AOAH: variants seen among roughly 807,000 people sequenced by gnomAD.
The protein encoded by AOAH is acyloxyacyl hydrolase.
In AOAH, 64 loss-of-function variants were observed where a neutral mutation model predicts 92.2. The ratio of observed to expected loss-of-function variants is 0.69; its 90% confidence interval spans 0.57 to 0.86. AOAH has a LOEUF of 0.86. Ranked by LOEUF, AOAH falls within the 40% of genes least tolerant of loss-of-function variation. The pLI is 0.00. For missense variants in AOAH, 656 were observed against 694.6 expected (o/e 0.94, Z 0.62); for synonymous variants, 263 against 254.5 (o/e 1.03, Z -0.32).
At chr7:36,689,961 A>T (rs1484302743) in intron 1 of AOAH, 1 of 306,894 alleles carries the variant, frequency 3.3e-6, no homozygotes, top group East Asian at 9.7e-5. Flanking sequence ...GACCCCAGTG[A>T]TCATAAACCT....
intron 1 of AOAH, among the ~76,000 whole-genome samples, chr7:36,710,347 C>A (rs1276939651): frequency 6.6e-6 from 1 of 152,178 alleles, no homozygotes; most frequent in African/African-American, 2.4e-5. Context: ...ATGCTACTCA[C>A]TCCCTAGGAA....
At chr7:36,620,980 C>A (rs999402535) in intron 8 of AOAH, 151 bp from the exon 9 acceptor site, 1 of 715,806 alleles carries the variant, frequency 1.4e-6, no homozygotes, top group Admixed American at 2.6e-5. Context: ...CATCACATCC[C>A]ATTGTGTGTT....
intron 1 of AOAH, among the ~76,000 whole-genome samples, chr7:36,700,085 T>C (rs542760214): frequency 5.4e-4 from 82 of 152,212 alleles, no homozygotes; most frequent in Admixed American, 7.9e-4. Flanking sequence ...CCGGTGTCTT[T>C]GTCAAAAAAT....
chr7:36,530,623 A>T, intron 18 of AOAH, 109 bp from the exon 19 acceptor site: 2 of 702,512 alleles, frequency 2.8e-6, no homozygotes, highest in Non-Finnish European at 4.9e-6. Flanking sequence ...CTCTACTTTC[A>T]TTTCTCCAAG....
intron 20 of AOAH, among the ~76,000 whole-genome samples, chr7:36,517,282 T>C (rs1466066453): frequency 3.4e-5 from 5 of 148,894 alleles, no homozygotes; most frequent in Non-Finnish European, 4.4e-5. Flanking sequence ...CTTTCTTTCT[T>C]TCTTTCTTTC....
intron 13 of AOAH, among the ~76,000 whole-genome samples, chr7:36,567,001 G>A (rs1199562361): frequency 1.3e-5 from 2 of 152,004 alleles, no homozygotes; most frequent in African/African-American, 2.4e-5. Context: ...TAGTACAGAC[G>A]GGGCTTCACC....
chr7:36,717,499 G>A (rs180741440), intron 1 of AOAH, among the ~76,000 whole-genome samples: 4 of 152,040 alleles, frequency 2.6e-5, no homozygotes, highest in Admixed American at 2.0e-4. Flanking sequence ...TATGAACTCA[G>A]AGCTTTTGGG....
At chr7:36,634,179 TAGG>T (rs1400555893) in intron 5 of AOAH, among the ~76,000 whole-genome samples, 1 of 152,126 alleles carries the variant, frequency 6.6e-6, no homozygotes, top group African/African-American at 2.4e-5. Context: ...TCTACTAAGG[TAGG>T]AGACCACTCC....
intron 1 of AOAH, among the ~76,000 whole-genome samples, chr7:36,717,581 C>T (rs1003732099): frequency 4.0e-5 from 6 of 150,374 alleles, no homozygotes; most frequent in South Asian, 2.1e-4. Context: ...GAGGCAGTGG[C>T]GAGGCACCGG....
chr7:36,607,384 G>A (rs2115798635), intron 11 of AOAH, among the ~76,000 whole-genome samples: 1 of 152,286 alleles, frequency 6.6e-6, no homozygotes, highest in East Asian at 1.9e-4. Context: ...CTTCCTGAAG[G>A]GTCTTGATTT....
At chr7:36,654,698 G>A (rs1261606155) in intron 4 of AOAH, among the ~76,000 whole-genome samples, 1 of 152,194 alleles carries the variant, frequency 6.6e-6, no homozygotes, top group Non-Finnish European at 1.5e-5. Context: ...TGAAATGTGT[G>A]AAAAGCCAGA....
chr7:36,545,226 G>T (rs1027039643), intron 15 of AOAH, among the ~76,000 whole-genome samples: 1 of 151,994 alleles, frequency 6.6e-6, no homozygotes, highest in African/African-American at 2.4e-5. Context: ...AATGGGATGA[G>T]GACTTCCATA....
chr7:36,601,522 C>T (rs1790598623), intron 11 of AOAH, among the ~76,000 whole-genome samples: 1 of 152,208 alleles, frequency 6.6e-6, no homozygotes, highest in Non-Finnish European at 1.5e-5. Flanking sequence ...ATCTGGGTAA[C>T]CTGGAAGTCT....
At chr7:36,588,739 A>G (rs1296537170) in intron 12 of AOAH, among the ~76,000 whole-genome samples, 1 of 152,190 alleles carries the variant, frequency 6.6e-6, no homozygotes, top group African/African-American at 2.4e-5. Context: ...GAGAGAATAG[A>G]TAACCTTTAA....
At chr7:36,592,259 G>A (rs893943967) in intron 12 of AOAH, among the ~76,000 whole-genome samples, 1 of 152,136 alleles carries the variant, frequency 6.6e-6, no homozygotes, top group African/African-American at 2.4e-5. Context: ...GGATGACCAA[G>A]GTTCTCTCTT....
intron 1 of AOAH, among the ~76,000 whole-genome samples, chr7:36,702,596 G>A (rs953715833): frequency 2.8e-4 from 42 of 152,148 alleles, no homozygotes; most frequent in African/African-American, 9.4e-4. Context: ...TACCATACTG[G>A]AGTCTTTTAA....
intron 6 of AOAH, among the ~76,000 whole-genome samples, chr7:36,627,700 C>T (rs1205126511): frequency 6.6e-6 from 1 of 152,092 alleles, no homozygotes; most frequent in African/African-American, 2.4e-5. Flanking sequence ...ATCCATGGCC[C>T]CTCTTCAGAT....
At chr7:36,649,370 TA>T (rs1794430452) in intron 4 of AOAH, among the ~76,000 whole-genome samples, 1 of 152,078 alleles carries the variant, frequency 6.6e-6, no homozygotes, top group Admixed American at 6.5e-5. Flanking sequence ...TGCACCTTTG[TA>T]ATTAGTCAGC....
At chr7:36,595,222 C>T (rs1378612303) in intron 11 of AOAH, among the ~76,000 whole-genome samples, 1 of 152,120 alleles carries the variant, frequency 6.6e-6, no homozygotes, top group Non-Finnish European at 1.5e-5. Context: ...ATAGGGCTGC[C>T]AGATTTAGCA....
Sources: allele counts gnomAD v4.1 joint callset (sites outside exome capture counted in the v4.1 genomes callset), GRCh38; gene constraint gnomAD v4.1.1; transcripts MANE v1.5; gene names NCBI Gene and HGNC (gene_info 2026-07-23, HGNC 2026-07-21).